Variants in G3BP1 observed in about 807,000 individuals in gnomAD.
G3BP1 encodes the protein ras GTPase-activating protein-binding protein 1.
In G3BP1, 35 loss-of-function variants were observed where a neutral mutation model predicts 58.6. The observed-to-expected ratio is 0.60, with a 90% confidence interval of 0.46 to 0.79. The LOEUF (loss-of-function observed/expected upper bound fraction) is 0.79, where lower values mean the gene tolerates loss of function less well. Ranked by LOEUF, G3BP1 falls within the 30% of genes least tolerant of loss-of-function variation. G3BP1 has a pLI of 0.00. For missense variants in G3BP1, 523 were observed against 580.8 expected (o/e 0.90, Z 1.02); for synonymous variants, 191 against 195.4 (o/e 0.98, Z 0.19).
At chr5:151,800,688 A>T in intron 10 of G3BP1, 72 bp from the exon 11 acceptor site, 1 of 920,792 alleles carries the variant, frequency 1.1e-6, no homozygotes, top group Non-Finnish European at 1.8e-6. Context: ...TGGCTACTGT[A>T]TTGGACTGTG....
chr5:151,774,186 C>CT (rs1762327233), intron 1 of G3BP1, among the ~76,000 whole-genome samples: 1 of 152,192 alleles, frequency 6.6e-6, no homozygotes. Flanking sequence ...GTACAAAAGT[C>CT]TAAGCTTTTG....
At chr5:151,791,313 A>G in intron 4 of G3BP1, 3 of 293,738 alleles carry the variant, frequency 1.0e-5, no homozygotes, top group South Asian at 7.8e-5. Flanking sequence ...TAGTACAGTT[A>G]TCAAATTCAG....
chr5:151,780,658 G>A (rs543441703), intron 1 of G3BP1, among the ~76,000 whole-genome samples: 115 of 152,182 alleles, frequency 7.6e-4, no homozygotes, highest in African/African-American at 2.6e-3. Context: ...GACTACAGGC[G>A]CCCACCACCA....
At chr5:151,796,211 T>C (rs972230590) in intron 6 of G3BP1, among the ~76,000 whole-genome samples, 1 of 152,206 alleles carries the variant, frequency 6.6e-6, no homozygotes, top group African/African-American at 2.4e-5. Flanking sequence ...TGAAGATTCA[T>C]GGTCCCACTG....
chr5:151,803,072 C>T (rs1265290430), intron 11 of G3BP1, among the ~76,000 whole-genome samples: 1 of 152,172 alleles, frequency 6.6e-6, no homozygotes. Context: ...TGTTTCGTAG[C>T]CCCTTAACTA....
intron 9 of G3BP1, 98 bp downstream of exon 9, chr5:151,800,098 A>G: frequency 8.4e-7 from 1 of 1,183,678 alleles, no homozygotes; most frequent in Non-Finnish European, 1.2e-6. Flanking sequence ...AAATAAAAAT[A>G]TTGTAGGGTT....
chr5:151,782,693 C>CT (rs914747339), intron 1 of G3BP1, among the ~76,000 whole-genome samples: 5 of 148,918 alleles, frequency 3.4e-5, no homozygotes, highest in African/African-American at 1.3e-4. Context: ...CATATATTTT[C>CT]TTTTTTTTCC....
rs780013378 is a variant in G3BP1 at position 151,809,193 on chromosome 5, GA to G, written c.*5106del. The G allele has an allele frequency of 2.7e-4, 41 of 152,052 alleles. No individual in the cohort carries two copies. The highest frequency in any genetic ancestry group is 5.0e-4 in the Non-Finnish European group (34 of 68,002). The allele number at this position is 152,052 out of a possible 1,614,324, so 9.4% of individuals were successfully genotyped here. On this transcript the variant is annotated 3_prime_UTR_variant, in exon 12 of 12. Coordinates refer to ENST00000356245, the MANE Select transcript of G3BP1 (RefSeq NM_005754.3). ...CCTGTCTCTAAAAAACAAAAAATTA[GA>G]AAACAACAAAAACCACTTCGGTTAC...
At chr5:151,802,165 C>G (rs1185205572) in intron 11 of G3BP1, among the ~76,000 whole-genome samples, 1 of 152,138 alleles carries the variant, frequency 6.6e-6, no homozygotes, top group East Asian at 1.9e-4. Context: ...CCTGAGTATG[C>G]AAATATACAT....
At chr5:151,803,754 A>G (rs1437544547) in intron 11 of G3BP1, 131 bp from the exon 12 acceptor site, 7 of 610,324 alleles carry the variant, frequency 1.1e-5, no homozygotes, top group South Asian at 4.3e-5. Flanking sequence ...TCGGCCTCCC[A>G]AAGTGCTGGG....
Position 151,800,221 on chromosome 5 carries a change from G to T in G3BP1, c.959G>T (p.Arg320Leu). The T allele has an allele frequency of 6.2e-7, 1 of 1,612,154 alleles. No individual in the cohort carries two copies. The highest frequency in any genetic ancestry group is 8.5e-7 in the Non-Finnish European group (1 of 1,179,730). The change falls in exon 10 of 12, where the codon CGT becomes CTT. Residue 320 changes from arginine to leucine, a missense_variant. Arg to Leu is a moderately radical substitution (Grantham distance 102). Around this residue, in one of 2 missense-constraint regions of G3BP1, gnomAD observed 398 missense variants for 399.1 expected, o/e 1.00. Coordinates refer to ENST00000356245, the MANE Select transcript of G3BP1 (RefSeq NM_005754.3). ...GATGTTTTTGTCTCCTTTTAAGTCC[G>T]TGAGGCTGGTGAGCAAGGTGACATT... ...IPPQRGPRPIREAGEQGDIEP... is the reference protein window; with the variant it reads ...IPPQRGPRPILEAGEQGDIEP...
rs1202385235 is a variant in G3BP1, at chr5:151,812,741, C to G, written c.*8650C>G. ...ATAACCCCTTCCTCCAGTGACTGTG[C>G]ATTTATTTTGTAATAAACTCATTTT... On this transcript the variant is annotated 3_prime_UTR_variant, in exon 12 of 12. Coordinates refer to ENST00000356245, the MANE Select transcript of G3BP1 (RefSeq NM_005754.3). The G allele has an allele frequency of 6.6e-6, 1 of 152,194 alleles. No homozygotes were observed. The highest frequency in any genetic ancestry group is 1.5e-5 in the Non-Finnish European group (1 of 68,030). 9.4% of individuals were successfully genotyped at this position (152,194 alleles called of 1,614,324 possible).
chr5:151,790,255 G>C lies in G3BP1; in HGVS notation c.96-68G>C, dbSNP rs1018150846. On this transcript the variant is annotated intron_variant, in intron 2 of 11. Coordinates refer to ENST00000356245, the MANE Select transcript of G3BP1 (RefSeq NM_005754.3). ...CAAAAAAAAAAAAAAAAGTTTGCCA[G>C]TATCAGACGTGAAAAATAAACTTAA... 5.2e-6 allele frequency: 4 copies of C among 773,242 alleles called. No individual in the cohort carries two copies. The African/African-American group carries it at 5.6e-5, about 11-fold the overall frequency. 47.9% of individuals were successfully genotyped at this position (773,242 alleles called of 1,614,324 possible). A position where few individuals can be genotyped will look rare whatever the true frequency, so the allele number is the denominator to read the frequency against.
At chr5:151,788,653 C>T in intron 2 of G3BP1, among the ~76,000 whole-genome samples, 1 of 150,842 alleles carries the variant, frequency 6.6e-6, no homozygotes, top group East Asian at 2.0e-4. Context: ...GAGTCTCGCT[C>T]TGTCACCGAG....
intron 2 of G3BP1, among the ~76,000 whole-genome samples, chr5:151,788,568 TTATATGTG>T (rs1050311494): frequency 3.0e-5 from 2 of 67,442 alleles, no homozygotes; most frequent in African/African-American, 9.3e-5. Flanking sequence ...CCAGCTAAGT[TTATATGTG>T]TGTGTGTGTG....
chr5:151,789,510 A>G lies in G3BP1; in HGVS notation c.96-813A>G, dbSNP rs150860862. On this transcript the variant is annotated intron_variant, in intron 2 of 11. Transcript: ENST00000356245. ...GATCAAAGGAGGACATAGATGGGTG[A>G]AAACCATGAGGAATTGACTTTGACA... 4.4e-3 allele frequency among the ~76,000 whole-genome samples: 670 copies of G among 152,344 alleles called. 4 individuals carry two copies. Among genetic ancestry groups the G allele is most frequent in the Non-Finnish European group, 7.0e-3 (479 of 68,038 alleles).
intron 9 of G3BP1, 36 bp downstream of exon 9, chr5:151,800,036 A>G: frequency 2.9e-6 from 4 of 1,390,888 alleles, no homozygotes; most frequent in Non-Finnish European, 4.1e-6. Flanking sequence ...CGTTTGGGGG[A>G]TTTTGAGGTG....
intron 1 of G3BP1, among the ~76,000 whole-genome samples, chr5:151,779,189 C>T (rs1762425856): frequency 6.6e-6 from 1 of 152,126 alleles, no homozygotes; most frequent in Admixed American, 6.6e-5. Flanking sequence ...AGGCAGTCTA[C>T]GTGATCAATT....
chr5:151,783,961 C>T lies in G3BP1; in HGVS notation c.-49-2611C>T, dbSNP rs910688276. ...TATATTTAGTAGAAATGGGGCTTCACCATGTTGGCCAGGATGGTCTCGATC... is the reference window on the plus strand; with the variant it reads ...TATATTTAGTAGAAATGGGGCTTCATCATGTTGGCCAGGATGGTCTCGATC... On this transcript the variant is annotated intron_variant, in intron 1 of 11. Coordinates refer to ENST00000356245, the MANE Select transcript of G3BP1 (RefSeq NM_005754.3). 5.3e-5 allele frequency among the ~76,000 whole-genome samples: 8 copies of T among 152,266 alleles called. No individual in the cohort carries two copies. The East Asian group carries it at 1.5e-3, about 29-fold the overall frequency.
Sources: allele counts gnomAD v4.1 joint callset (sites outside exome capture counted in the v4.1 genomes callset), GRCh38; gene constraint gnomAD v4.1.1; regional missense constraint gnomAD v4.1.1; transcripts MANE v1.5; gene names NCBI Gene and HGNC (gene_info 2026-07-23, HGNC 2026-07-21).